Variants in CDH18 observed in about 807,000 individuals in gnomAD.
The protein encoded by CDH18 is cadherin-18.
In CDH18, 31 loss-of-function variants were observed where a neutral mutation model predicts 67.9. The ratio of observed to expected loss-of-function variants is 0.46; its 90% CI spans 0.34 to 0.62. The LOEUF is 0.62. Among genes scored for constraint, CDH18 ranks in the 20% least tolerant of loss-of-function variants. The pLI, the probability that CDH18 is intolerant of heterozygous loss-of-function variation, is 0.01. For missense variants in CDH18, 890 were observed against 975.5 expected (o/e 0.91, Z 1.17); for synonymous variants, 362 against 347.2 (o/e 1.04, Z -0.48).
intron 2 of CDH18, among the ~76,000 whole-genome samples, chr5:19,955,690 A>G (rs1344731418): frequency 6.6e-6 from 1 of 152,076 alleles, no homozygotes; most frequent in Non-Finnish European, 1.5e-5. Context: ...AAATATGTAG[A>G]TAGATAGCAA....
chr5:19,715,855 C>T (rs1765279310), intron 5 of CDH18, among the ~76,000 whole-genome samples: 1 of 147,326 alleles, frequency 6.8e-6, no homozygotes, highest in Non-Finnish European at 1.5e-5. Flanking sequence ...CTCACTCTGC[C>T]ACTTAGGCTG....
intron 6 of CDH18, among the ~76,000 whole-genome samples, chr5:19,598,385 T>C (rs1746507027): frequency 6.6e-6 from 1 of 152,130 alleles, no homozygotes; most frequent in African/African-American, 2.4e-5. Context: ...ATCTCCAACT[T>C]TACGCTGGGC....
rs375505794 is a variant in CDH18 at position 20,024,989 on chromosome 5, G to A, written c.-517-32975C>T. Among the ~76,000 whole-genome samples the A allele has an allele frequency of 3.9e-5, 6 of 152,196 alleles. No individual in the cohort carries two copies. In the South Asian group the frequency reaches 1.0e-3, roughly 26 times the overall value. ...TGGCTTATCTACCAATAATTTCACC[G>A]ATGCTCTTCCAGTGAATCCAAAGGA... On this transcript the variant is annotated intron_variant, in intron 2 of 14. Transcript: ENST00000507958.
chr5:20,501,720 TGTG>T (rs1754340603), intron 1 of CDH18, among the ~76,000 whole-genome samples: 1 of 20,828 alleles, frequency 4.8e-5, no homozygotes, highest in Non-Finnish European at 1.3e-4. Context: ...TAAGGATTTG[TGTG>T]TGTGTGTGTG....
chr5:19,686,025 T>C lies in CDH18; in HGVS notation c.643+35322A>G, dbSNP rs115603719. 7.4e-3 allele frequency among the ~76,000 whole-genome samples: 1,130 copies of C among 152,268 alleles called. 13 individuals are homozygous for C. The highest frequency in any genetic ancestry group is 0.026 in the African/African-American group (1,072 of 41,550). Reference sequence around the variant, plus strand: ...TGAGCATAAAGTATTGTATGCTATATCTAATAAATTCCTAGAAGTGTGGGT... The same window carrying C: ...TGAGCATAAAGTATTGTATGCTATACCTAATAAATTCCTAGAAGTGTGGGT... On this transcript the variant is annotated intron_variant, in intron 5 of 12. Coordinates refer to ENST00000382275, the MANE Select transcript of CDH18 (RefSeq NM_004934.5).
At chr5:19,954,703 T>A (rs1796087702) in intron 2 of CDH18, among the ~76,000 whole-genome samples, 2 of 152,068 alleles carry the variant, frequency 1.3e-5, no homozygotes, top group South Asian at 2.1e-4. Flanking sequence ...TTTCAGTATA[T>A]ATTCATGTAT....
At chr5:20,466,676 A>G (rs1051391942) in intron 1 of CDH18, among the ~76,000 whole-genome samples, 7 of 152,048 alleles carry the variant, frequency 4.6e-5, no homozygotes, top group Non-Finnish European at 1.0e-4. Context: ...TTTCACTGCA[A>G]GGAGTGTTGC....
chr5:20,446,178 G>A (rs959272031), intron 1 of CDH18, among the ~76,000 whole-genome samples: 20 of 152,052 alleles, frequency 1.3e-4, no homozygotes, highest in Non-Finnish European at 2.1e-4. Context: ...TTAGGTTACC[G>A]AGCACATGTC....
chr5:20,309,595 T>A (rs1283253659), intron 1 of CDH18, among the ~76,000 whole-genome samples: 1 of 152,208 alleles, frequency 6.6e-6, no homozygotes, highest in African/African-American at 2.4e-5. Flanking sequence ...CTGCCTAACT[T>A]GTTCAAAAAA....
At chr5:19,657,172 G>T (rs1426487424) in intron 5 of CDH18, among the ~76,000 whole-genome samples, 1 of 151,982 alleles carries the variant, frequency 6.6e-6, no homozygotes, top group Non-Finnish European at 1.5e-5. Flanking sequence ...ATCAATTACA[G>T]TTTGCTACCA....
At chr5:20,133,403 C>T (rs748723900) in intron 2 of CDH18, among the ~76,000 whole-genome samples, 34 of 152,104 alleles carry the variant, frequency 2.2e-4, no homozygotes, top group African/African-American at 6.7e-4. Flanking sequence ...TTCACTATCA[C>T]GAGAACACCA....
chr5:19,960,589 G>GTGTGTA (rs1554072029), intron 2 of CDH18, among the ~76,000 whole-genome samples: 2 of 85,102 alleles, frequency 2.4e-5, no homozygotes, highest in Non-Finnish European at 2.2e-5. Context: ...GTGTGTGTGT[G>GTGTGTA]TATATATATA....
chr5:20,289,893 G>A (rs1349640238), intron 1 of CDH18, among the ~76,000 whole-genome samples: 2 of 152,106 alleles, frequency 1.3e-5, no homozygotes, highest in African/African-American at 4.8e-5. Flanking sequence ...GAAATATGTA[G>A]ATAGCTGTGT....
intron 2 of CDH18, among the ~76,000 whole-genome samples, chr5:20,069,611 C>T (rs1049963483): frequency 4.6e-5 from 7 of 152,042 alleles, no homozygotes; most frequent in Non-Finnish European, 4.4e-5. Flanking sequence ...CGGAGTTTCA[C>T]CATGTTGGCC....
At chr5:19,513,723 T>C (rs1436202669) in intron 10 of CDH18, among the ~76,000 whole-genome samples, 1 of 152,178 alleles carries the variant, frequency 6.6e-6, no homozygotes, top group Non-Finnish European at 1.5e-5. Context: ...ATGGCTGAAC[T>C]GTTTCCTAGA....
chr5:20,161,939 T>C (rs1561840528), intron 2 of CDH18, among the ~76,000 whole-genome samples: 1 of 152,094 alleles, frequency 6.6e-6, no homozygotes, highest in Non-Finnish European at 1.5e-5. Context: ...TAATTCTCAG[T>C]GATTTTTTTT....
At position 19,471,683 on chromosome 5, in the gene CDH18, A is replaced by G. The variant is rs1444636290; in HGVS notation, c.*1543T>C. ...ACAAAACATTATCTAAAACAATTTG[A>G]AAAAAAAAGCCCCACCCAAATTCTC... On this transcript the variant is annotated 3_prime_UTR_variant, in exon 13 of 13. Transcript: ENST00000382275. Among the ~76,000 whole-genome samples, 2 of 142,050 alleles carry G rather than the reference A, an allele frequency of 1.4e-5. No individual in the cohort carries two copies. Among genetic ancestry groups the G allele is most frequent in the Non-Finnish European group, 3.0e-5 (2 of 67,604 alleles). The allele number at this position is 142,050 out of a possible 152,430, so 93.2% of individuals were successfully genotyped here.
At chr5:19,831,760 C>G (rs73057678) in intron 3 of CDH18, among the ~76,000 whole-genome samples, 1 of 151,930 alleles carries the variant, frequency 6.6e-6, no homozygotes, top group African/African-American at 2.4e-5. Flanking sequence ...ATATATACCC[C>G]CTCCCCCAAA....
At chr5:20,510,904 T>C (rs1350067014) in intron 1 of CDH18, among the ~76,000 whole-genome samples, 1 of 152,078 alleles carries the variant, frequency 6.6e-6, no homozygotes, top group Non-Finnish European at 1.5e-5. Context: ...ACATAGAAAT[T>C]TAGTGTGTGA....
Sources: gnomAD v4.1 joint callset for allele counts (sites outside exome capture counted in the v4.1 genomes callset) on GRCh38, gnomAD v4.1.1 for gene constraint, MANE v1.5 for transcripts, NCBI Gene and HGNC (gene_info 2026-07-23, HGNC 2026-07-21) for gene names.